RHBDD1: variants seen among roughly 807,000 people sequenced by gnomAD.
RHBDD1 encodes rhomboid-related protein 4.
RHBDD1 carries 38 observed loss-of-function variants against 36.3 expected under a neutral mutation model. The ratio of observed to expected loss-of-function variants is 1.05; its 90% CI spans 0.81 to 1.37. The LOEUF (loss-of-function observed/expected upper bound fraction) is 1.37. Among genes scored for constraint, RHBDD1 ranks in the 40% most tolerant of loss-of-function variants. RHBDD1 has a pLI of 0.00. For synonymous variants in RHBDD1, 151 were observed against 136.5 expected (o/e 1.11, Z -0.74); for missense variants, 393 against 377.6 (o/e 1.04, Z -0.34).
intron 3 of RHBDD1, among the ~76,000 whole-genome samples, chr2:226,842,414 T>C (rs1313575880): frequency 2.0e-5 from 3 of 152,240 alleles, no homozygotes; most frequent in Admixed American, 2.0e-4. Flanking sequence ...AGGATTTTTA[T>C]AGTTTTGGGT....
chr2:226,838,740 A>C (rs1262532087), intron 2 of RHBDD1, among the ~76,000 whole-genome samples: 1 of 152,236 alleles, frequency 6.6e-6, no homozygotes, highest in East Asian at 1.9e-4. Context: ...TAAAATGCTG[A>C]AATGGAGTCA....
At chr2:226,825,088 G>A in the RHBDD1 span, among the ~76,000 whole-genome samples, 276 of 152,250 alleles carry the variant, frequency 1.8e-3, 2 homozygotes, top group African/African-American at 6.2e-3. Context: ...TTTTCTAAAA[G>A]TTCATTATCT....
chr2:226,899,426 C>G (rs914802567), intron 5 of RHBDD1, among the ~76,000 whole-genome samples: 1 of 152,156 alleles, frequency 6.6e-6, no homozygotes, highest in Non-Finnish European at 1.5e-5. Context: ...TGAGCACCCC[C>G]TCTGTGTCAG....
intron 3 of RHBDD1, among the ~76,000 whole-genome samples, chr2:226,846,570 C>T (rs1942242807): frequency 6.6e-6 from 1 of 151,872 alleles, no homozygotes; most frequent in Non-Finnish European, 1.5e-5. Context: ...ATGGTGAAAC[C>T]TTGTCTCTAC....
At chr2:226,893,003 A>G (rs1305617230) in intron 5 of RHBDD1, among the ~76,000 whole-genome samples, 6 of 152,232 alleles carry the variant, frequency 3.9e-5, no homozygotes, top group Non-Finnish European at 7.3e-5. Flanking sequence ...TGGGAAGGGC[A>G]GTGCATTCAT....
chr2:226,942,576 G>T, intron 8 of RHBDD1: 1 of 369,976 alleles, frequency 2.7e-6, no homozygotes. Context: ...TGAAAACTCA[G>T]AGGTATGTGT....
chr2:226,897,397 T>G (rs1296195999), intron 5 of RHBDD1, among the ~76,000 whole-genome samples: 1 of 152,246 alleles, frequency 6.6e-6, no homozygotes, highest in Non-Finnish European at 1.5e-5. Flanking sequence ...CTTGTTTGTC[T>G]TGTTAGTGTA....
At chr2:226,838,288 T>C (rs530714536) in intron 2 of RHBDD1, 134 bp downstream of exon 2, 1 of 152,344 alleles carries the variant, frequency 6.6e-6, no homozygotes, top group South Asian at 2.1e-4. Context: ...ATTCTGGAAA[T>C]AATTTCGTTA....
intron 5 of RHBDD1, among the ~76,000 whole-genome samples, chr2:226,878,808 T>C (rs531703067): frequency 1.3e-5 from 2 of 152,184 alleles, no homozygotes; most frequent in African/African-American, 4.8e-5. Flanking sequence ...TCTGTAGAAG[T>C]GGTAATGGCA....
At chr2:226,858,501 A>G (rs1337108932) in intron 3 of RHBDD1, among the ~76,000 whole-genome samples, 6 of 152,204 alleles carry the variant, frequency 3.9e-5, no homozygotes, top group Non-Finnish European at 7.4e-5. Context: ...AATAGAATTT[A>G]TAACTGGTAT....
At chr2:226,947,094 C>G (rs1251650345) in intron 8 of RHBDD1, among the ~76,000 whole-genome samples, 1 of 152,018 alleles carries the variant, frequency 6.6e-6, no homozygotes, top group African/African-American at 2.4e-5. Flanking sequence ...TGTGCAGAAG[C>G]TCTTTAGTTT....
intron 5 of RHBDD1, among the ~76,000 whole-genome samples, chr2:226,904,203 G>A (rs573316150): frequency 9.2e-5 from 14 of 152,154 alleles, no homozygotes; most frequent in Non-Finnish European, 1.9e-4. Context: ...CCTGTGGACC[G>A]CAAGGTTAAA....
Position 226,888,071 on chromosome 2 carries a change from G to A in RHBDD1, c.567-18722G>A, listed in dbSNP as rs573651891. On this transcript the variant is annotated intron_variant, in intron 5 of 8. Coordinates refer to ENST00000392062, the MANE Select transcript of RHBDD1 (RefSeq NM_001167608.3). ...CTTCCCTACTATGAGCTGCTGAATCGGAAGTGAGGACATGTTAGACATGGA... is the reference window on the plus strand; with the variant it reads ...CTTCCCTACTATGAGCTGCTGAATCAGAAGTGAGGACATGTTAGACATGGA... 3.3e-5 allele frequency among the ~76,000 whole-genome samples: 5 copies of A among 152,272 alleles called. No individual in the cohort carries two copies. The South Asian group carries it at 6.2e-4, about 19-fold the overall frequency.
rs979942594 is a variant in RHBDD1, at chr2:226,864,835, C to T, written c.142C>T (p.Pro48Ser). The part of the protein sequence containing the change: ...NIWFFLNPQK[P>S]LYSSCLSVEK... ...CTGGTTCTTCTTGAACCCTCAGAAG[C>T]CACTGTATAGCTCCTGCCTTAGTGT... is the stretch of plus-strand genomic sequence containing the variant. The change falls in exon 4 of 9, where the codon CCA (proline) becomes TCA (serine). Residue 48 changes from proline to serine, a missense_variant. Coordinates refer to ENST00000392062, the MANE Select transcript of RHBDD1 (RefSeq NM_001167608.3). 1.9e-6 allele frequency: 3 copies of T among 1,614,234 alleles called. No individual in the cohort carries two copies. The highest frequency in any genetic ancestry group is 2.5e-6 in the Non-Finnish European group (3 of 1,180,052).
intron 5 of RHBDD1, among the ~76,000 whole-genome samples, chr2:226,886,943 A>G (rs1946266252): frequency 6.6e-6 from 1 of 152,094 alleles, no homozygotes; most frequent in Admixed American, 6.5e-5. Flanking sequence ...ATTTTAATAA[A>G]CTAAAAAGGA....
rs1415729480 is a variant in RHBDD1, at chr2:226,970,676, C to T, written c.857-24755C>T. On this transcript the variant is annotated intron_variant, in intron 8 of 8. Coordinates refer to ENST00000392062, the MANE Select transcript of RHBDD1 (RefSeq NM_001167608.3). ...AGGAGTTAACAATTTTACTTTTCAT[C>T]TCTGCCAGCCTGTGAAATATTTTCC... Among the ~76,000 whole-genome samples the T allele has an allele frequency of 3.9e-5, 6 of 152,350 alleles. No individual in the cohort carries two copies. In the South Asian group the frequency reaches 1.2e-3, roughly 32 times the overall value.
intron 8 of RHBDD1, among the ~76,000 whole-genome samples, chr2:226,952,177 G>C (rs1559306524): frequency 6.6e-6 from 1 of 152,022 alleles, no homozygotes; most frequent in Non-Finnish European, 1.5e-5. Context: ...TCTCCTCTTA[G>C]GAGAAGAGTT....
At chr2:226,981,385 G>A (rs1303828012) in intron 8 of RHBDD1, among the ~76,000 whole-genome samples, 2 of 150,792 alleles carry the variant, frequency 1.3e-5, no homozygotes, top group African/African-American at 2.4e-5. Context: ...ATAAATAAAG[G>A]AGCTCATTGA....
chr2:226,818,463 G>C, the RHBDD1 span, among the ~76,000 whole-genome samples: 2 of 150,916 alleles, frequency 1.3e-5, no homozygotes, highest in Non-Finnish European at 3.0e-5. Context: ...ACTGCACCCA[G>C]CTCAGTATTT....
Sources: gnomAD v4.1 joint callset for allele counts (sites outside exome capture counted in the v4.1 genomes callset) on GRCh38, gnomAD v4.1.1 for gene constraint, MANE v1.5 for transcripts, NCBI Gene and HGNC (gene_info 2026-07-23, HGNC 2026-07-21) for gene names.